Variants in ATF6B observed in about 807,000 individuals in gnomAD.
ATF6B encodes the protein activating transcription factor 6 beta.
A neutral mutation model predicts 83.5 loss-of-function variants in ATF6B; 50 were observed. The ratio of observed to expected loss-of-function variants is 0.60; its 90% CI spans 0.48 to 0.76. ATF6B has a LOEUF of 0.76. ATF6B is among the 30% of genes least tolerant of loss of function. The pLI is 0.00. For missense variants in ATF6B, 790 were observed against 893.8 expected (o/e 0.88, Z 1.48); for synonymous variants, 344 against 362.8 (o/e 0.95, Z 0.59).
In ATF6B at chr6:32,120,111, T is replaced by C. The variant is rs1341995838; in HGVS notation, c.833-154A>G. 6 of 1,006,298 alleles carry C rather than the reference T, an allele frequency of 6.0e-6. No individual in the cohort carries two copies. The African/African-American group carries it at 1.0e-4, about 17-fold the overall frequency. The allele number at this position is 1,006,298 out of a possible 1,614,324, so 62.3% of individuals were successfully genotyped here. On this transcript the variant is annotated intron_variant, in intron 8 of 17. Coordinates refer to ENST00000375203, the MANE Select transcript of ATF6B (RefSeq NM_004381.5). ...CCGCCTCCTTTTCTCCTTTTTTTCT[T>C]TTTTGAGATGCAGTCTTGCTCTGTC...
chr6:32,117,731 T>C lies in ATF6B; in HGVS notation c.1425-37A>G, dbSNP rs1458259173. On this transcript the variant is annotated intron_variant, in intron 12 of 17. Transcript: ENST00000375203. The surrounding 1 kb of genome is among the most constrained non-coding windows in gnomAD (Gnocchi z 5.0). The stretch of plus-strand genomic sequence containing the variant: ...CAGGAAGGAGACAACACTTGGAGAC[T>C]GCCCAGCACTCCCACAACAAAGAAG... 1.2e-6 allele frequency: 2 copies of C among 1,602,492 alleles called. No individual in the cohort carries two copies. Among genetic ancestry groups the C allele is most frequent in the African/African-American group, 2.7e-5 (2 of 74,656 alleles).
chr6:32,125,159 C>T lies in ATF6B; in HGVS notation c.478+958G>A, dbSNP rs1471292674. Among the ~76,000 whole-genome samples the T allele has an allele frequency of 6.6e-6, 1 of 152,110 alleles. No individual in the cohort carries two copies. Among genetic ancestry groups the T allele is most frequent in the Non-Finnish European group, 1.5e-5 (1 of 68,020 alleles). On this transcript the variant is annotated intron_variant, in intron 5 of 17. Transcript: ENST00000375203. The surrounding 1 kb of genome is among the most constrained non-coding windows in gnomAD (Gnocchi z 4.1). ...CTAGTGATTTCTATCCTAGAATGAC[C>T]ACACCTGTATTGACTGGTACTTGTC...
Position 32,117,584 on chromosome 6 carries a change from C to T in ATF6B, c.1532+3G>A, listed in dbSNP as rs755547505. The T allele has an allele frequency of 2.5e-6, 4 of 1,613,476 alleles. No homozygotes were observed. In the South Asian group the frequency reaches 4.4e-5, roughly 18 times the overall value. Reference sequence around the variant, plus strand: ...CTGGATGCCCCAGCAATGAATCCCACACCTCAGGGACTCAGTGCGGTTGAA... The same window carrying T: ...CTGGATGCCCCAGCAATGAATCCCATACCTCAGGGACTCAGTGCGGTTGAA... On this transcript the variant is annotated splice_donor_region_variant and intron_variant, in intron 13 of 17. Transcript: ENST00000375203. The surrounding 1 kb of genome is among the most constrained non-coding windows in gnomAD (Gnocchi z 5.0).
At chr6:32,122,731 C>A (rs1372144048) in intron 5 of ATF6B, among the ~76,000 whole-genome samples, 1 of 151,798 alleles carries the variant, frequency 6.6e-6, no homozygotes, top group Non-Finnish European at 1.5e-5. Flanking sequence ...CGCCTGTAGT[C>A]CCAGCAACTT....
chr6:32,121,954 C>T (rs1781783740), intron 5 of ATF6B, among the ~76,000 whole-genome samples: 1 of 152,178 alleles, frequency 6.6e-6, no homozygotes, highest in Admixed American at 6.5e-5. Context: ...CTTTCTTGTT[C>T]ACAGAACTTG....
rs772455574 is a variant in ATF6B, at chr6:32,128,120, G to A, written c.88C>T (p.Gln30Ter). The change falls in exon 1 of 18, where the codon CAG (glutamine) becomes TAG (stop). Residue 30 changes from glutamine to a stop codon, truncating the protein, a stop_gained. Coordinates refer to ENST00000375203, the MANE Select transcript of ATF6B (RefSeq NM_004381.5). LOFTEE classifies it high-confidence loss of function. ...NLLSPEDWGLQNSTLYSGLDE... is the reference protein window; with the variant it reads ...NLLSPEDWGL Reference sequence around the variant, plus strand: ...TCTCCCCTCCCCGGTGCCTCACTCTGCAGACCCCAGTCCTCCGGGCTAAGC... The same window carrying A: ...TCTCCCCTCCCCGGTGCCTCACTCTACAGACCCCAGTCCTCCGGGCTAAGC... 1 of 1,612,888 alleles carries A rather than the reference G, an allele frequency of 6.2e-7. No individual in the cohort carries two copies. Among genetic ancestry groups the A allele is most frequent in the South Asian group, 1.1e-5 (1 of 91,068 alleles).
intron 2 of ATF6B, 55 bp from the exon 3 acceptor site, chr6:32,127,575 G>C: frequency 6.2e-7 from 1 of 1,608,474 alleles, no homozygotes; most frequent in Non-Finnish European, 8.5e-7. Context: ...GAGAAAGTAG[G>C]GGTGACTCCA....
intron 3 of ATF6B, 41 bp downstream of exon 3, chr6:32,127,400 AG>A: frequency 6.3e-7 from 1 of 1,580,572 alleles, no homozygotes; most frequent in Admixed American, 1.8e-5. Context: ...TGGGAAGATG[AG>A]GGTTTCTGGA....
rs1177448031 is a variant in ATF6B at position 32,122,533 on chromosome 6, GAACA to G, written c.479-1189_479-1186del. Among the ~76,000 whole-genome samples, 5 of 151,856 alleles carry G rather than the reference GAACA, an allele frequency of 3.3e-5. No individual in the cohort carries two copies. The South Asian group carries it at 8.3e-4, about 25-fold the overall frequency. On this transcript the variant is annotated intron_variant, in intron 5 of 17. Transcript: ENST00000375203. The stretch of plus-strand genomic sequence containing the variant: ...ATACAGTCATGATACAAATCCAAAC[GAACA>G]AAGGAAAATTAAGTCAAAAAAAAAA...
chr6:32,127,043 G>T, intron 4 of ATF6B, 60 bp downstream of exon 4: 5 of 1,363,484 alleles, frequency 3.7e-6, no homozygotes, highest in Non-Finnish European at 5.0e-6. Context: ...GTCACCCACG[G>T]GTGAAGGGAA....
chr6:32,117,346 G>T lies in ATF6B; in HGVS notation c.1591C>A (p.Pro531Thr), dbSNP rs1781570737. Residue 531 changes from proline (P) to threonine (T), a missense_variant, in exon 14 of 18, where the codon CCT (proline) becomes ACT (threonine). This residue lies in a region of ATF6B where 530 missense variants were observed against 632.6 expected (regional missense o/e 0.84). Transcript: ENST00000375203. This position sits in a 1 kb window ranked among gnomAD's most constrained non-coding sequence, Gnocchi z 5.0. Reference sequence around the variant, plus strand: ...ACCTGTCTCTCCTGGGCCCTCTGAGGGATCTTCCTCCGGCCTCTCTGGTGG... The same window carrying T: ...ACCTGTCTCTCCTGGGCCCTCTGAGTGATCTTCCTCCGGCCTCTCTGGTGG... ...QRHQRGRRKI[P>T]QRAQERQKSQ... 1.2e-6 allele frequency: 2 copies of T among 1,613,992 alleles called. No individual in the cohort carries two copies. The highest frequency in any genetic ancestry group is 2.2e-5 in the East Asian group (1 of 44,866).
Position 32,117,015 on chromosome 6 carries a change from A to G in ATF6B, c.1685+22T>C. The G allele has an allele frequency of 6.2e-7, 1 of 1,611,264 alleles. No individual in the cohort carries two copies. The highest frequency in any genetic ancestry group is 8.5e-7 in the Non-Finnish European group (1 of 1,177,922). Reference sequence around the variant, plus strand: ...GAAAGTGGAATTTCACTTAATAAGTAAGCACCCCACCCCACACTCACCTTT... The same window carrying G: ...GAAAGTGGAATTTCACTTAATAAGTGAGCACCCCACCCCACACTCACCTTT... On this transcript the variant is annotated intron_variant, in intron 15 of 17. Transcript: ENST00000375203. This position sits in a 1 kb window ranked among gnomAD's most constrained non-coding sequence, Gnocchi z 5.0.
Position 32,117,460 on chromosome 6 carries a change from T to C in ATF6B, c.1533-56A>G. On this transcript the variant is annotated intron_variant, in intron 13 of 17. Transcript: ENST00000375203. The surrounding 1 kb of genome is among the most constrained non-coding windows in gnomAD (Gnocchi z 5.0). Reference sequence around the variant, plus strand: ...TGCCAGGCCAAGATTCCCACCCTCCTTGCCCACCCACAGGAGTGAGGAGAG... The same window carrying C: ...TGCCAGGCCAAGATTCCCACCCTCCCTGCCCACCCACAGGAGTGAGGAGAG... The C allele has an allele frequency of 1.2e-6, 2 of 1,603,380 alleles. No homozygotes were observed. The highest frequency in any genetic ancestry group is 1.7e-6 in the Non-Finnish European group (2 of 1,172,860).
intron 5 of ATF6B, among the ~76,000 whole-genome samples, chr6:32,123,731 A>T (rs1279366651): frequency 1.3e-5 from 2 of 152,022 alleles, no homozygotes; most frequent in East Asian, 3.9e-4. Flanking sequence ...CTTTTTTATA[A>T]CATGTATTAA....
At position 32,119,853 on chromosome 6, in the gene ATF6B, G is replaced by C. The variant is rs1240116679; in HGVS notation, c.937C>G (p.Pro313Ala). 2 of 1,613,960 alleles carry C rather than the reference G, an allele frequency of 1.2e-6. No individual in the cohort carries two copies. The highest frequency in any genetic ancestry group is 1.7e-6 in the Non-Finnish European group (2 of 1,180,006). The change falls in exon 9 of 18, where the codon CCT becomes GCT. Residue 313 changes from proline to alanine, a missense_variant. This residue lies in a region of ATF6B where 530 missense variants were observed against 632.6 expected (regional missense o/e 0.84). Coordinates refer to ENST00000375203, the MANE Select transcript of ATF6B (RefSeq NM_004381.5). This position sits in a 1 kb window ranked among gnomAD's most constrained non-coding sequence, Gnocchi z 4.9. ...ACTTCAGGCGGGCAGGAGTTTCCAG[G>C]CATAGGAGCGGGAACGATGCTCTTC... The part of the protein sequence containing the change: ...ERKSIVPAPM[P>A]GNSCPPEVDA...
chr6:32,126,008 C>G, intron 5 of ATF6B, 109 bp downstream of exon 5: 1 of 1,473,062 alleles, frequency 6.8e-7, no homozygotes, highest in Non-Finnish European at 9.1e-7. Context: ...CCACCTTTTT[C>G]TCCCTGTCCT....
chr6:32,117,115 G>A lies in ATF6B; in HGVS notation c.1615-8C>T, dbSNP rs1467103719. On this transcript the variant is annotated splice_region_variant and splice_polypyrimidine_tract_variant and intron_variant, in intron 14 of 17. Transcript: ENST00000375203. This position sits in a 1 kb window ranked among gnomAD's most constrained non-coding sequence, Gnocchi z 5.0. ...CTTCCGTGGCTGAGACTTCTGGAAG[G>A]AGAAGTATCTAAGGACTTGGAGAGG... 3 of 1,613,484 alleles carry A rather than the reference G, an allele frequency of 1.9e-6. No homozygotes were observed. In the South Asian group the frequency reaches 3.3e-5, roughly 18 times the overall value.
Position 32,125,921 on chromosome 6 carries a change from A to G in ATF6B, c.478+196T>C. Reference sequence around the variant, plus strand: ...GAAAAATAATATCCATCTCCTCAGCACTGCCCTTGCTGTGGTTCCCTGAAA... The same window carrying G: ...GAAAAATAATATCCATCTCCTCAGCGCTGCCCTTGCTGTGGTTCCCTGAAA... On this transcript the variant is annotated intron_variant, in intron 5 of 17. Transcript: ENST00000375203. The surrounding 1 kb of genome is among the most constrained non-coding windows in gnomAD (Gnocchi z 4.1). The G allele has an allele frequency of 1.5e-6, 1 of 669,006 alleles. No homozygotes were observed. Among genetic ancestry groups the G allele is most frequent in the Non-Finnish European group, 2.5e-6 (1 of 404,978 alleles). 41.4% of individuals were successfully genotyped at this position (669,006 alleles called of 1,614,324 possible).
Position 32,119,940 on chromosome 6 carries a change from T to C in ATF6B, c.850A>G (p.Ile284Val). 6.2e-7 allele frequency: 1 copy of C among 1,613,984 alleles called. No homozygotes were observed. The highest frequency in any genetic ancestry group is 8.5e-7 in the Non-Finnish European group (1 of 1,179,970). ...GGCTGGACTCGAATAGCACCCTGGA[T>C]GAGGACAACTGGGGACACTGGGGCA... ...QPPPVSPVVLIQGAIRVQPEG... is the reference protein window; with the variant it reads ...QPPPVSPVVLVQGAIRVQPEG... The change falls in exon 9 of 18, where the codon ATC (isoleucine) becomes GTC (valine). Residue 284 changes from isoleucine (I) to valine (V), a missense_variant. Around this residue, in one of 3 missense-constraint regions of ATF6B, gnomAD observed 530 missense variants for 632.6 expected, o/e 0.84. Transcript: ENST00000375203. The surrounding 1 kb of genome is among the most constrained non-coding windows in gnomAD (Gnocchi z 4.9).
Sources: gnomAD v4.1 joint callset for allele counts (sites outside exome capture counted in the v4.1 genomes callset) on GRCh38, gnomAD v4.1.1 for gene constraint, gnomAD v4.1.1 regional missense constraint, Gnocchi (gnomAD v3.1) non-coding constraint, MANE v1.5 for transcripts, NCBI Gene and HGNC (gene_info 2026-07-23, HGNC 2026-07-21) for gene names.